The following MBNL2 variants were observed in gnomAD, a reference collection of about 807,000 sequenced individuals.
MBNL2 encodes muscleblind-like protein 2.
Under a neutral mutation model 41.9 loss-of-function variants are expected in MBNL2, and 17 were observed. The observed-to-expected ratio is 0.41, with a 90% CI of 0.28 to 0.61. The LOEUF (loss-of-function observed/expected upper bound fraction) is 0.61. Ranked by LOEUF, MBNL2 falls within the 20% of genes least tolerant of loss-of-function variation. The pLI is 0.35. For missense variants in MBNL2, 336 were observed against 505.6 expected (o/e 0.66, Z 3.22); for synonymous variants, 195 against 182.9 (o/e 1.07, Z -0.53).
chr13:97,262,393 C>T (rs557874894), intron 1 of MBNL2, among the ~76,000 whole-genome samples: 1 of 152,338 alleles, frequency 6.6e-6, no homozygotes, highest in South Asian at 2.1e-4. Context: ...GCTACTCCCT[C>T]CTCTTGAAAC....
intron 1 of MBNL2, among the ~76,000 whole-genome samples, chr13:97,226,203 A>C (rs568868382): frequency 1.8e-4 from 28 of 152,316 alleles, no homozygotes; most frequent in African/African-American, 6.3e-4. Context: ...GAGAGTAAAA[A>C]CAGGTGTGAA....
chr13:97,392,469 A>G lies in MBNL2; in HGVS notation c.*1020A>G, dbSNP rs567005513. 1 of 152,704 alleles carries G rather than the reference A, an allele frequency of 6.5e-6. No individual in the cohort carries two copies. The highest frequency in any genetic ancestry group is 2.1e-4 in the South Asian group (1 of 4,832). The allele number at this position is 152,704 out of a possible 1,614,324, so 9.5% of individuals were successfully genotyped here. On this transcript the variant is annotated 3_prime_UTR_variant, in exon 9 of 9. Coordinates refer to ENST00000679496, the MANE Select transcript of MBNL2 (RefSeq NM_001382683.1). Reference sequence around the variant, plus strand: ...TTGGATTAAAGGGTTGTAACTGACTACAGCATGGAAAAAAATAGTTCTTTT... The same window carrying G: ...TTGGATTAAAGGGTTGTAACTGACTGCAGCATGGAAAAAAATAGTTCTTTT...
chr13:97,227,947 T>C (rs2041881992), intron 1 of MBNL2, among the ~76,000 whole-genome samples: 1 of 152,152 alleles, frequency 6.6e-6, no homozygotes, highest in Non-Finnish European at 1.5e-5. Flanking sequence ...AGAAAATCCA[T>C]GCGTAATTAT....
chr13:97,277,006 A>G (rs770208063), intron 2 of MBNL2, among the ~76,000 whole-genome samples: 110 of 152,204 alleles, frequency 7.2e-4, no homozygotes, highest in Middle Eastern at 3.2e-3. Context: ...GGCAGGGACA[A>G]TTCAGCATAT....
At chr13:97,152,066 A>C in the MBNL2 span, among the ~76,000 whole-genome samples, 1 of 152,218 alleles carries the variant, frequency 6.6e-6, no homozygotes, top group East Asian at 1.9e-4. Context: ...GAAATTTGAA[A>C]TTAAAAAAGA....
chr13:97,250,644 A>G (rs1243278916), intron 1 of MBNL2, among the ~76,000 whole-genome samples: 1 of 151,878 alleles, frequency 6.6e-6, no homozygotes, highest in Non-Finnish European at 1.5e-5. Flanking sequence ...TGAGCTATTC[A>G]TTTGTTTGCT....
At chr13:97,196,603 A>G in the MBNL2 span, among the ~76,000 whole-genome samples, 1 of 152,158 alleles carries the variant, frequency 6.6e-6, no homozygotes, top group Admixed American at 6.5e-5. Flanking sequence ...GACAACACCT[A>G]TAGCTATGGA....
chr13:97,165,838 T>C, the MBNL2 span, among the ~76,000 whole-genome samples: 3 of 152,224 alleles, frequency 2.0e-5, no homozygotes, highest in Non-Finnish European at 4.4e-5. Context: ...TTATTTTCTC[T>C]TTATATAATT....
At chr13:97,215,933 G>C in the MBNL2 span, among the ~76,000 whole-genome samples, 4,261 of 152,274 alleles carry the variant, frequency 0.028, 105 homozygotes, top group Admixed American at 0.079. Flanking sequence ...AGTAAAAATA[G>C]TGGCTAACAG....
intron 3 of MBNL2, among the ~76,000 whole-genome samples, chr13:97,337,709 A>G (rs2061009504): frequency 6.6e-6 from 1 of 152,226 alleles, no homozygotes; most frequent in South Asian, 2.1e-4. Context: ...AAATGGTACT[A>G]TCAACTGGCA....
At chr13:97,213,493 G>T in the MBNL2 span, among the ~76,000 whole-genome samples, 1 of 152,172 alleles carries the variant, frequency 6.6e-6, no homozygotes, top group African/African-American at 2.4e-5. Context: ...TCAAGGCTCT[G>T]AGAGGTCCTT....
chr13:97,392,444 T>C lies in MBNL2; in HGVS notation c.*995T>C, dbSNP rs2066407506. ...CCATTACTGTTTTGCATTTCAAAAG[T>C]TGGATTAAAGGGTTGTAACTGACTA... On this transcript the variant is annotated 3_prime_UTR_variant, in exon 9 of 9. Transcript: ENST00000679496. 1 of 152,536 alleles carries C rather than the reference T, an allele frequency of 6.6e-6. No homozygotes were observed. The highest frequency in any genetic ancestry group is 2.4e-5 in the African/African-American group (1 of 41,436). 9.4% of individuals were successfully genotyped at this position (152,536 alleles called of 1,614,324 possible).
chr13:97,311,306 A>C (rs2058590805), intron 2 of MBNL2, among the ~76,000 whole-genome samples: 1 of 152,328 alleles, frequency 6.6e-6, no homozygotes, highest in East Asian at 1.9e-4. Context: ...CGGCTCCATA[A>C]GAACAATCAG....
chr13:97,367,288 C>T (rs2063926157), intron 8 of MBNL2, among the ~76,000 whole-genome samples: 1 of 152,168 alleles, frequency 6.6e-6, no homozygotes, highest in African/African-American at 2.4e-5. Context: ...TATCCGTGAC[C>T]CTAGCCTCCC....
At chr13:97,250,095 C>T (rs146391044) in intron 1 of MBNL2, among the ~76,000 whole-genome samples, 1 of 152,250 alleles carries the variant, frequency 6.6e-6, no homozygotes, top group Admixed American at 6.5e-5. Context: ...ATTATTGCTT[C>T]TATTTCATTT....
chr13:97,222,194 A>G, upstream of MBNL2: 2 of 385,738 alleles, frequency 5.2e-6, no homozygotes, highest in Admixed American at 9.0e-5. Context: ...ACACACTGCA[A>G]GTGCTGTGTT....
At chr13:97,290,239 GATTT>G (rs1246509142) in intron 2 of MBNL2, among the ~76,000 whole-genome samples, 2 of 152,180 alleles carry the variant, frequency 1.3e-5, no homozygotes, top group African/African-American at 4.8e-5. Context: ...TGAAAAGTGT[GATTT>G]ATTTATGAAA....
intron 8 of MBNL2, among the ~76,000 whole-genome samples, chr13:97,380,537 A>T (rs1337706625): frequency 3.9e-5 from 6 of 152,184 alleles, no homozygotes; most frequent in African/African-American, 1.4e-4. Flanking sequence ...ACCTTGAGCC[A>T]TGTACAGTTC....
chr13:97,288,876 C>T (rs952155548), intron 2 of MBNL2, among the ~76,000 whole-genome samples: 2 of 152,154 alleles, frequency 1.3e-5, no homozygotes, highest in Admixed American at 6.5e-5. Flanking sequence ...TCAAACTTAC[C>T]TAAGCCATCC....
Sources: gnomAD v4.1 joint callset for allele counts (sites outside exome capture counted in the v4.1 genomes callset) on GRCh38, gnomAD v4.1.1 for gene constraint, MANE v1.5 for transcripts, NCBI Gene and HGNC (gene_info 2026-07-23, HGNC 2026-07-21) for gene names.